ANXA9: variants seen among roughly 807,000 people sequenced by gnomAD.
The protein encoded by ANXA9 is annexin 31.
In ANXA9, 47 loss-of-function variants were observed where a neutral mutation model predicts 51.8. The observed-to-expected ratio is 0.91, with a 90% confidence interval of 0.72 to 1.16. The LOEUF is 1.16. Ranked by LOEUF, ANXA9 falls within the 50% of genes most tolerant of loss-of-function variation. ANXA9 has a pLI of 0.00. For missense variants in ANXA9, 361 were observed against 424.7 expected, an observed-to-expected ratio of 0.85 and a Z score of 1.32; for synonymous variants, 154 against 168.7, an observed-to-expected ratio of 0.91 and a Z score of 0.68.
At chr1:150,991,075 G>A (rs587720431) in intron 12 of ANXA9, among the ~76,000 whole-genome samples, 19 of 149,404 alleles carry the variant, frequency 1.3e-4, no homozygotes, top group Admixed American at 9.3e-4. Context: ...CCCAGGAGGC[G>A]GAGCTTGCAG....
Position 150,995,522 on chromosome 1 carries a change from C to T in ANXA9, c.*200C>T. Reference sequence around the variant, plus strand: ...AAAATTATATCTGTACCTGGGTCATCCAGCTCCTTCTTGGGTGTGGGGAAA... The same window carrying T: ...AAAATTATATCTGTACCTGGGTCATTCAGCTCCTTCTTGGGTGTGGGGAAA... On this transcript the variant is annotated 3_prime_UTR_variant, in exon 14 of 14. Coordinates refer to ENST00000368947, the MANE Select transcript of ANXA9 (RefSeq NM_003568.3). 2.0e-6 allele frequency: 1 copy of T among 500,600 alleles called. No individual in the cohort carries two copies. Among genetic ancestry groups the T allele is most frequent in the Non-Finnish European group, 3.5e-6 (1 of 287,180 alleles). 31.0% of individuals were successfully genotyped at this position (500,600 alleles called of 1,614,324 possible).
chr1:150,991,534 C>T (rs2102803651), intron 12 of ANXA9, among the ~76,000 whole-genome samples: 2 of 106,248 alleles, frequency 1.9e-5, no homozygotes, highest in Non-Finnish European at 1.7e-5. Context: ...GGTGCCCGGC[C>T]TTCTTCTTCT....
At chr1:150,982,879 G>GT in intron 2 of ANXA9, among the ~76,000 whole-genome samples, 1 of 152,200 alleles carries the variant, frequency 6.6e-6, no homozygotes, top group Non-Finnish European at 1.5e-5. Flanking sequence ...TCCTAAAGGA[G>GT]TGGGGAGAGG....
At chr1:150,994,786 C>T (rs1212699339) in intron 13 of ANXA9, 87 bp downstream of exon 13, 5 of 1,554,116 alleles carry the variant, frequency 3.2e-6, no homozygotes, top group East Asian at 2.3e-5. Context: ...TGAGCATATT[C>T]TTGCCCCATA....
intron 12 of ANXA9, among the ~76,000 whole-genome samples, chr1:150,989,124 C>A (rs138632045): frequency 2.0e-5 from 3 of 151,938 alleles, no homozygotes; most frequent in Admixed American, 2.0e-4. Flanking sequence ...GGATTACAGG[C>A]GCCCGCCACC....
chr1:150,991,143 TAAA>T (rs1206803243), intron 12 of ANXA9, among the ~76,000 whole-genome samples: 1 of 144,016 alleles, frequency 6.9e-6, no homozygotes. Context: ...GCTCCATCTC[TAAA>T]AAAAAAATAA....
intron 12 of ANXA9, among the ~76,000 whole-genome samples, chr1:150,992,441 T>G (rs1178843773): frequency 6.6e-6 from 1 of 152,000 alleles, no homozygotes; most frequent in African/African-American, 2.4e-5. Flanking sequence ...TCCAGCTACT[T>G]GGGAGGCTGA....
intron 4 of ANXA9, among the ~76,000 whole-genome samples, chr1:150,983,705 G>T (rs1173106391): frequency 6.6e-6 from 1 of 152,074 alleles, no homozygotes; most frequent in South Asian, 2.1e-4. Context: ...GACGGAGGTG[G>T]TATTCTCATC....
intron 13 of ANXA9, among the ~76,000 whole-genome samples, chr1:150,995,016 C>T (rs1176894078): frequency 1.3e-5 from 2 of 152,238 alleles, no homozygotes; most frequent in Non-Finnish European, 2.9e-5. Context: ...CGCTTGAACC[C>T]AGAAGGCAGA....
intron 6 of ANXA9, 38 bp downstream of exon 6, chr1:150,984,432 G>A (rs767379819): frequency 6.2e-7 from 1 of 1,601,940 alleles, no homozygotes; most frequent in Admixed American, 1.7e-5. Context: ...GTCTGGGGAA[G>A]GGAGAAGGCT....
In ANXA9 at chr1:150,993,910, A is replaced by C. The variant is rs587631951; in HGVS notation, c.853-667A>C. On this transcript the variant is annotated intron_variant, in intron 12 of 13. Transcript: ENST00000368947. The stretch of plus-strand genomic sequence containing the variant: ...CATCCTCCCAAAGTGCTGGGATTAC[A>C]GGCATGAGCCACTGTGCCTGGCCTG... 3.3e-5 allele frequency among the ~76,000 whole-genome samples: 5 copies of C among 152,282 alleles called. No homozygotes were observed. In the East Asian group the frequency reaches 9.6e-4, roughly 29 times the overall value.
At chr1:150,987,294 T>C (rs1671583814) in intron 9 of ANXA9, among the ~76,000 whole-genome samples, 1 of 151,800 alleles carries the variant, frequency 6.6e-6, no homozygotes, top group African/African-American at 2.4e-5. Flanking sequence ...AAGTTGAGGC[T>C]GAGGTAAGCC....
upstream of ANXA9, among the ~76,000 whole-genome samples, chr1:150,981,715 A>C (rs1462782971): frequency 6.6e-6 from 1 of 151,896 alleles, no homozygotes; most frequent in Non-Finnish European, 1.5e-5. Context: ...ATCAACTTCC[A>C]CTCCCAAATA....
upstream of ANXA9, among the ~76,000 whole-genome samples, chr1:150,978,676 AG>A (rs1671372149): frequency 6.6e-6 from 1 of 152,088 alleles, no homozygotes; most frequent in Non-Finnish European, 1.5e-5. Flanking sequence ...AAAAGGTAGT[AG>A]ATTAGAGGCT....
In ANXA9 at chr1:150,988,287, G is replaced by A. The variant is rs1281817941; in HGVS notation, c.798G>A (p.Ser266=). The stretch of plus-strand genomic sequence containing the variant: ...TCCTTCCATCTTTGTTTCCAGCTTC[G>A]GTGATCAAGAACACACCGCTGTACT... ...DAQVALLGLA[S]VIKNTPLYFA... The change falls in exon 12 of 14, where the codon TCG becomes TCA. Residue 266 remains serine, a synonymous_variant. Coordinates refer to ENST00000368947, the MANE Select transcript of ANXA9 (RefSeq NM_003568.3). The A allele has an allele frequency of 1.4e-5, 22 of 1,613,940 alleles. No homozygotes were observed. The highest frequency in any genetic ancestry group is 1.6e-4 in the Middle Eastern group (1 of 6,082).
chr1:150,991,829 C>G (rs918822293), intron 12 of ANXA9, among the ~76,000 whole-genome samples: 3 of 151,544 alleles, frequency 2.0e-5, no homozygotes, highest in Non-Finnish European at 4.4e-5. Flanking sequence ...TGCAATGGCG[C>G]GATCTTGGCT....
chr1:150,991,097 C>T (rs1392765964), intron 12 of ANXA9, among the ~76,000 whole-genome samples: 4 of 147,922 alleles, frequency 2.7e-5, no homozygotes, highest in South Asian at 4.5e-4. Context: ...GAGCCGAGAT[C>T]GCGCCACTGC....
chr1:150,985,352 A>C (rs908516312), intron 7 of ANXA9, among the ~76,000 whole-genome samples: 1 of 152,004 alleles, frequency 6.6e-6, no homozygotes, highest in Non-Finnish European at 1.5e-5. Flanking sequence ...CCACATTCCA[A>C]GCTGAACCCA....
intron 8 of ANXA9, 55 bp downstream of exon 8, chr1:150,986,470 C>A: frequency 6.3e-7 from 1 of 1,591,148 alleles, no homozygotes; most frequent in Non-Finnish European, 8.6e-7. Flanking sequence ...CAAGGAGACA[C>A]GCTGGAGCAG....
Sources: gnomAD v4.1 joint callset for allele counts (sites outside exome capture counted in the v4.1 genomes callset) on GRCh38, gnomAD v4.1.1 for gene constraint, MANE v1.5 for transcripts, NCBI Gene and HGNC (gene_info 2026-07-23, HGNC 2026-07-21) for gene names.